The following CCDC179 variants were observed in gnomAD, a reference collection of about 807,000 sequenced individuals.
The protein encoded by CCDC179 is coiled-coil domain containing 179, also known as coiled-coil domain-containing protein 179.
A neutral mutation model predicts 12.0 loss-of-function variants in CCDC179; 17 were observed. That is an observed-to-expected ratio of 1.42 (90% CI 0.97 to 2.13). CCDC179 has a LOEUF of 2.13. CCDC179 is among the 30% of genes most tolerant of loss of function. CCDC179 has a pLI of 0.00. For synonymous variants in CCDC179, 27 were observed against 26.4 expected, an observed-to-expected ratio of 1.02 and a Z score of -0.07; for missense variants, 83 against 78.6, an observed-to-expected ratio of 1.06 and a Z score of -0.21.
rs572030433 is a variant in CCDC179 at position 22,856,387 on chromosome 11, C to T, written c.195+1535G>A. Among the ~76,000 whole-genome samples the T allele has an allele frequency of 4.4e-4, 67 of 151,446 alleles. No individual in the cohort carries two copies. The South Asian group carries it at 0.012, about 27-fold the overall frequency. ...TAAAATTATTTAATGAAATTCATCACGTCAAAAGGCTAAAGGAGAAAAATC... is the reference window on the plus strand; with the variant it reads ...TAAAATTATTTAATGAAATTCATCATGTCAAAAGGCTAAAGGAGAAAAATC... On this transcript the variant is annotated intron_variant, in intron 3 of 3. Transcript: ENST00000532798.
chr11:22,857,169 T>G (rs1858547330), intron 3 of CCDC179, among the ~76,000 whole-genome samples: 1 of 151,602 alleles, frequency 6.6e-6, no homozygotes, highest in African/African-American at 2.4e-5. Context: ...AACAAACTGA[T>G]TCTAAATTTT....
intron 3 of CCDC179, among the ~76,000 whole-genome samples, 190 bp downstream of exon 3, chr11:22,857,732 A>T (rs1858560963): frequency 6.6e-6 from 1 of 151,830 alleles, no homozygotes; most frequent in Non-Finnish European, 1.5e-5. Flanking sequence ...TCATTAAACC[A>T]TATCACCTCC....
At chr11:22,848,602 T>A (rs1420527559) in intron 3 of CCDC179, among the ~76,000 whole-genome samples, 4 of 152,262 alleles carry the variant, frequency 2.6e-5, no homozygotes, top group Non-Finnish European at 5.9e-5. Context: ...TTCAGGCTTT[T>A]ATTTTGTCCC....
At chr11:22,852,311 A>G (rs546295313) in intron 3 of CCDC179, among the ~76,000 whole-genome samples, 6 of 152,318 alleles carry the variant, frequency 3.9e-5, no homozygotes, top group East Asian at 1.9e-4. Flanking sequence ...TTTAGTTTAT[A>G]GTTTAATAAT....
chr11:22,853,652 GAA>G (rs34725757), intron 3 of CCDC179, among the ~76,000 whole-genome samples: 2 of 147,032 alleles, frequency 1.4e-5, no homozygotes, highest in African/African-American at 2.5e-5. Context: ...TGTACAATTG[GAA>G]AAAAAAAGAA....
At chr11:22,850,678 C>A (rs1309870592) in intron 3 of CCDC179, among the ~76,000 whole-genome samples, 1 of 151,472 alleles carries the variant, frequency 6.6e-6, no homozygotes, top group Admixed American at 6.6e-5. Context: ...AATTAAAAAC[C>A]TTAGATGGTT....
At chr11:22,852,137 C>T (rs1291117293) in intron 3 of CCDC179, among the ~76,000 whole-genome samples, 1 of 152,140 alleles carries the variant, frequency 6.6e-6, no homozygotes, top group African/African-American at 2.4e-5. Context: ...GGGATGATAG[C>T]AAAGAAGAAG....
At chr11:22,851,181 G>A (rs1020196835) in intron 3 of CCDC179, among the ~76,000 whole-genome samples, 3 of 150,728 alleles carry the variant, frequency 2.0e-5, no homozygotes, top group Non-Finnish European at 4.4e-5. Context: ...AGCAAGGGAG[G>A]AGCTTTGTTG....
chr11:22,848,938 A>G (rs1858304381), intron 3 of CCDC179, among the ~76,000 whole-genome samples: 3 of 152,224 alleles, frequency 2.0e-5, no homozygotes, highest in African/African-American at 2.4e-5. Context: ...AAAATTATCA[A>G]TCCACAATGA....
In CCDC179 at chr11:22,851,421, C is replaced by T. The variant is rs572862063; in HGVS notation, c.196-3900G>A. On this transcript the variant is annotated intron_variant, in intron 3 of 3. Transcript: ENST00000532798. ...AGTACTTTCTTCCATGCTAATGGTACCTCTATTCTCTTCAGGGCAGCAAGG... is the reference window on the plus strand; with the variant it reads ...AGTACTTTCTTCCATGCTAATGGTATCTCTATTCTCTTCAGGGCAGCAAGG... 3.0e-3 allele frequency among the ~76,000 whole-genome samples: 459 copies of T among 152,174 alleles called. 2 individuals carry two copies. Among genetic ancestry groups the T allele is most frequent in the African/African-American group, 0.011 (441 of 41,522 alleles).
chr11:22,854,855 G>A (rs1858497607), intron 3 of CCDC179, among the ~76,000 whole-genome samples: 1 of 151,714 alleles, frequency 6.6e-6, no homozygotes, highest in African/African-American at 2.4e-5. Flanking sequence ...GGCAGATGGT[G>A]TCAAAGGGAT....
intron 3 of CCDC179, among the ~76,000 whole-genome samples, chr11:22,850,028 A>C (rs1448198281): frequency 6.6e-6 from 1 of 152,190 alleles, no homozygotes; most frequent in Non-Finnish European, 1.5e-5. Flanking sequence ...TATGATGTTT[A>C]CATAGCATGC....
intron 3 of CCDC179, among the ~76,000 whole-genome samples, chr11:22,855,176 T>C (rs1415657967): frequency 1.3e-5 from 2 of 151,698 alleles, no homozygotes; most frequent in African/African-American, 2.4e-5. Context: ...TAAGAATGTA[T>C]TTGAACTGAA....
rs1858243804 is a variant in CCDC179, at chr11:22,847,262, A to G, written c.*248T>C. On this transcript the variant is annotated 3_prime_UTR_variant, in exon 4 of 4. Coordinates refer to ENST00000532798, the MANE Select transcript of CCDC179 (RefSeq NM_001195637.2). Reference sequence around the variant, plus strand: ...AGTCTACCTATACATATTCATTATTATTTGTTGAAAAGCAGCAAATTTCAA... The same window carrying G: ...AGTCTACCTATACATATTCATTATTGTTTGTTGAAAAGCAGCAAATTTCAA... 2 of 330,614 alleles carry G rather than the reference A, an allele frequency of 6.0e-6. No homozygotes were observed. The highest frequency in any genetic ancestry group is 9.6e-5 in the Admixed American group (2 of 20,884). The allele number at this position is 330,614 out of a possible 1,614,324, so 20.5% of individuals were successfully genotyped here. A position where few individuals can be genotyped will look rare whatever the true frequency, so the allele number is the denominator to read the frequency against.
intron 2 of CCDC179, 36 bp downstream of exon 2, chr11:22,859,416 A>C: frequency 7.0e-7 from 1 of 1,422,512 alleles, no homozygotes. Context: ...CACAATGTTT[A>C]AACAACCAGA....
At chr11:22,852,447 G>A (rs928163899) in intron 3 of CCDC179, among the ~76,000 whole-genome samples, 3 of 152,130 alleles carry the variant, frequency 2.0e-5, no homozygotes, top group South Asian at 2.1e-4. Flanking sequence ...CATTATTCTG[G>A]AGGTCACAAG....
chr11:22,859,548 C>G (rs1377808886), intron 1 of CCDC179, 52 bp from the exon 2 acceptor site: 1 of 1,104,036 alleles, frequency 9.1e-7, no homozygotes, highest in East Asian at 2.8e-5. Flanking sequence ...TCATTAAAAA[C>G]AGTAAATTAA....
At chr11:22,850,710 A>T (rs751530399) in intron 3 of CCDC179, among the ~76,000 whole-genome samples, 3 of 151,876 alleles carry the variant, frequency 2.0e-5, no homozygotes, top group Non-Finnish European at 2.9e-5. Flanking sequence ...AAGTCATGGA[A>T]GAAAACAAGA....
chr11:22,858,789 A>G (rs976887695), intron 2 of CCDC179, among the ~76,000 whole-genome samples: 1 of 152,114 alleles, frequency 6.6e-6, no homozygotes, highest in African/African-American at 2.4e-5. Flanking sequence ...CAATAGTACT[A>G]TTCATTTTAG....
Sources: gnomAD v4.1 joint callset for allele counts (sites outside exome capture counted in the v4.1 genomes callset) on GRCh38, gnomAD v4.1.1 for gene constraint, MANE v1.5 for transcripts, NCBI Gene and HGNC (gene_info 2026-07-23, HGNC 2026-07-21) for gene names.